Variants in TRIM26 observed in about 807,000 individuals in gnomAD.
TRIM26 encodes the protein tripartite motif-containing protein 26.
A neutral mutation model predicts 45.5 loss-of-function variants in TRIM26; 16 were observed. The observed-to-expected ratio is 0.35, with a 90% confidence interval of 0.24 to 0.53. The LOEUF (loss-of-function observed/expected upper bound fraction) is 0.53. TRIM26 is among the 20% of genes least tolerant of loss of function. TRIM26 has a pLI of 0.92. For synonymous variants in TRIM26, 273 were observed against 290.4 expected (o/e 0.94, Z 0.61); for missense variants, 442 against 691.1 (o/e 0.64, Z 4.04).
intron 1 of TRIM26, among the ~76,000 whole-genome samples, chr6:30,208,939 T>TGC (rs1778006372): frequency 6.6e-6 from 1 of 151,674 alleles, no homozygotes; most frequent in Non-Finnish European, 1.5e-5. Context: ...TGTGTGTGTG[T>TGC]GTGTGTGTGT....
rs1029164943 is a variant in TRIM26 at position 30,196,491 on chromosome 6, G to A, written c.765+25C>T. ...GGGACCCACCGTCCTGGTCCCTGGC[G>A]CCCTGCCCAGGGACGGCCTCTCACC... On this transcript the variant is annotated intron_variant, in intron 6 of 9. Coordinates refer to ENST00000454678, the MANE Select transcript of TRIM26 (RefSeq NM_003449.5). This position sits in a 1 kb window ranked among gnomAD's most constrained non-coding sequence, Gnocchi z 4.9. 1.2e-5 allele frequency: 19 copies of A among 1,596,622 alleles called. No individual in the cohort carries two copies. The highest frequency in any genetic ancestry group is 1.8e-4 in the Middle Eastern group (1 of 5,630).
At chr6:30,201,940 G>T (rs1315818929) in intron 2 of TRIM26, among the ~76,000 whole-genome samples, 2 of 152,182 alleles carry the variant, frequency 1.3e-5, no homozygotes, top group Non-Finnish European at 2.9e-5. Context: ...CAGTTTTTCA[G>T]TTGTAACATA....
At chr6:30,187,419 C>T (rs1775304989) in intron 9 of TRIM26, 1 of 459,460 alleles carries the variant, frequency 2.2e-6, no homozygotes, top group East Asian at 6.4e-5. Context: ...TCCATTTGTT[C>T]CTCTGATCTC....
At chr6:30,194,630 C>T (rs758120276) in intron 6 of TRIM26, among the ~76,000 whole-genome samples, 2 of 151,934 alleles carry the variant, frequency 1.3e-5, no homozygotes, top group Admixed American at 6.6e-5. Context: ...CTGAGGCAGG[C>T]GATCACCTGA....
rs9280914 is a variant in TRIM26 at position 30,188,217 on chromosome 6, CAAAAAAAAA to C, written c.937+941_937+949del. 6.6e-4 allele frequency: 69 copies of C among 105,256 alleles called. 2 individuals are homozygous for C. Among genetic ancestry groups the C allele is most frequent in the Middle Eastern group, 8.3e-3 (1 of 120 alleles). 6.5% of individuals were successfully genotyped at this position (105,256 alleles called of 1,614,324 possible). Reference sequence around the variant, plus strand: ...CCTGGGCGACAGCGAGACTCCGTCTCAAAAAAAAAAAAAAAAAAAAAAAAAGAAATTTGG... The same window carrying C: ...CCTGGGCGACAGCGAGACTCCGTCTCAAAAAAAAAAAAAAAAGAAATTTGG... On this transcript the variant is annotated intron_variant, in intron 9 of 9. Coordinates refer to ENST00000454678, the MANE Select transcript of TRIM26 (RefSeq NM_003449.5).
chr6:30,190,039 G>C lies in TRIM26; in HGVS notation c.766-4C>G. ...TGTTTAGGAAGTCTCTCGTGTCCTAGAAGGGAAAGAAAAAAGCACAAGTAT... is the reference window on the plus strand; with the variant it reads ...TGTTTAGGAAGTCTCTCGTGTCCTACAAGGGAAAGAAAAAAGCACAAGTAT... On this transcript the variant is annotated splice_region_variant and splice_polypyrimidine_tract_variant and intron_variant, in intron 6 of 9. Transcript: ENST00000454678. This position sits in a 1 kb window ranked among gnomAD's most constrained non-coding sequence, Gnocchi z 4.3. The C allele has an allele frequency of 6.2e-7, 1 of 1,612,886 alleles. No individual in the cohort carries two copies. Among genetic ancestry groups the C allele is most frequent in the Non-Finnish European group, 8.5e-7 (1 of 1,179,922 alleles).
At position 30,196,751 on chromosome 6, in the gene TRIM26, A is replaced by C; in HGVS notation, c.535-5T>G. ...CCTCTGGTCCTGGAGCTTCTTCTGC[A>C]GGGGGCAGGAAGGGGAGAAGGGCTG... On this transcript the variant is annotated splice_polypyrimidine_tract_variant and splice_region_variant and intron_variant, in intron 5 of 9. Coordinates refer to ENST00000454678, the MANE Select transcript of TRIM26 (RefSeq NM_003449.5). This position sits in a 1 kb window ranked among gnomAD's most constrained non-coding sequence, Gnocchi z 4.9. The C allele has an allele frequency of 6.2e-7, 1 of 1,614,006 alleles. No individual in the cohort carries two copies. The highest frequency in any genetic ancestry group is 8.5e-7 in the Non-Finnish European group (1 of 1,179,972).
At chr6:30,195,042 C>T (rs1220811232) in intron 6 of TRIM26, among the ~76,000 whole-genome samples, 2 of 152,190 alleles carry the variant, frequency 1.3e-5, no homozygotes, top group Admixed American at 6.5e-5. Flanking sequence ...ACCATTTTCT[C>T]TCCCTTCCCT....
At chr6:30,187,823 C>T (rs1364076364) in intron 9 of TRIM26, among the ~76,000 whole-genome samples, 2 of 146,516 alleles carry the variant, frequency 1.4e-5, no homozygotes, top group African/African-American at 2.5e-5. Flanking sequence ...GAGGCTGAGG[C>T]AGGAGAATGG....
rs773618476 is a variant in TRIM26, at chr6:30,198,413, A to G, written c.534+16T>C. The G allele has an allele frequency of 3.7e-6, 6 of 1,612,830 alleles. No individual in the cohort carries two copies. In the Admixed American group the frequency reaches 1.0e-4, roughly 27 times the overall value. Reference sequence around the variant, plus strand: ...GGGCGCACCGCCTCAGGGCTTCCTGAAACAGCCTCACTTACCAGCGCGGCC... The same window carrying G: ...GGGCGCACCGCCTCAGGGCTTCCTGGAACAGCCTCACTTACCAGCGCGGCC... On this transcript the variant is annotated intron_variant, in intron 5 of 9. Coordinates refer to ENST00000454678, the MANE Select transcript of TRIM26 (RefSeq NM_003449.5). This position sits in a 1 kb window ranked among gnomAD's most constrained non-coding sequence, Gnocchi z 6.3.
intron 6 of TRIM26, among the ~76,000 whole-genome samples, chr6:30,191,404 T>TA (rs5875241): frequency 0.035 from 4,428 of 127,232 alleles, 126 homozygotes; most frequent in Admixed American, 0.039. Flanking sequence ...TCAGAACAGT[T>TA]AAAAAAAAAA....
chr6:30,193,142 G>GTATATATATA (rs1776071189), intron 6 of TRIM26, among the ~76,000 whole-genome samples: 3 of 27,764 alleles, frequency 1.1e-4, no homozygotes, highest in South Asian at 1.7e-3. Flanking sequence ...ATATATGTGT[G>GTATATATATA]TGTGTGTGTG....
chr6:30,195,594 G>A lies in TRIM26; in HGVS notation c.765+922C>T, dbSNP rs192873984. On this transcript the variant is annotated intron_variant, in intron 6 of 9. Transcript: ENST00000454678. ...TCACAACAATGAGGAGCAGGTGGCC[G>A]CCTCCTTCTGCAGTCTGTCCCAGTG... is the stretch of plus-strand genomic sequence containing the variant. 4.6e-5 allele frequency among the ~76,000 whole-genome samples: 7 copies of A among 152,116 alleles called. No individual in the cohort carries two copies. In the East Asian group the frequency reaches 9.7e-4, roughly 21 times the overall value.
intron 2 of TRIM26, among the ~76,000 whole-genome samples, chr6:30,203,189 G>A (rs1354015752): frequency 1.3e-5 from 2 of 151,480 alleles, no homozygotes; most frequent in Non-Finnish European, 2.9e-5. Flanking sequence ...AACAACAGGT[G>A]CATACTACCA....
At position 30,186,733 on chromosome 6, in the gene TRIM26, T is replaced by C. The variant is rs144871704; in HGVS notation, c.938-175A>G. 2,272 of 1,024,814 alleles carry C rather than the reference T, an allele frequency of 2.2e-3. 6 individuals are homozygous for C. Among genetic ancestry groups the C allele is most frequent in the African/African-American group, 0.012 (728 of 61,776 alleles). 63.5% of individuals were successfully genotyped at this position (1,024,814 alleles called of 1,614,324 possible). ...ATAAGTGTGACACATTTTCTGGCTT[T>C]GTATTCTGCTAAATCACCATAACTA... is the stretch of plus-strand genomic sequence containing the variant. On this transcript the variant is annotated intron_variant, in intron 9 of 9. Coordinates refer to ENST00000454678, the MANE Select transcript of TRIM26 (RefSeq NM_003449.5). This position sits in a 1 kb window ranked among gnomAD's most constrained non-coding sequence, Gnocchi z 7.4.
intron 6 of TRIM26, among the ~76,000 whole-genome samples, chr6:30,194,542 A>G (rs982813636): frequency 6.6e-6 from 1 of 152,218 alleles, no homozygotes; most frequent in African/African-American, 2.4e-5. Context: ...TGATTATTAT[A>G]TATTATATAC....
chr6:30,195,318 T>G (rs191911198), intron 6 of TRIM26, among the ~76,000 whole-genome samples: 2 of 151,966 alleles, frequency 1.3e-5, no homozygotes, highest in Non-Finnish European at 2.9e-5. Flanking sequence ...TCAAAGAGTA[T>G]GACGAGAGAA....
chr6:30,199,284 T>A lies in TRIM26; in HGVS notation c.-161-20A>T. 1 of 544,092 alleles carries A rather than the reference T, an allele frequency of 1.8e-6. No individual in the cohort carries two copies. Among genetic ancestry groups the A allele is most frequent in the Non-Finnish European group, 3.2e-6 (1 of 313,074 alleles). The allele number at this position is 544,092 out of a possible 1,614,324, so 33.7% of individuals were successfully genotyped here. On this transcript the variant is annotated intron_variant, in intron 3 of 9. Transcript: ENST00000454678. Reference sequence around the variant, plus strand: ...CAGCTCCTACAAGGTTCACACAATGTCAACGAGAAGAGGACCTTATAGATC... The same window carrying A: ...CAGCTCCTACAAGGTTCACACAATGACAACGAGAAGAGGACCTTATAGATC...
At chr6:30,192,820 C>T (rs1775990331) in intron 6 of TRIM26, among the ~76,000 whole-genome samples, 1 of 152,008 alleles carries the variant, frequency 6.6e-6, no homozygotes, top group Admixed American at 6.6e-5. Flanking sequence ...CAATCAAACT[C>T]AAATAAGCAC....
Sources: gnomAD v4.1 joint callset for allele counts (sites outside exome capture counted in the v4.1 genomes callset) on GRCh38, gnomAD v4.1.1 for gene constraint, Gnocchi (gnomAD v3.1) non-coding constraint, MANE v1.5 for transcripts, NCBI Gene and HGNC (gene_info 2026-07-23, HGNC 2026-07-21) for gene names.